The following ZMYM4 variants were observed in gnomAD, a reference collection of about 807,000 sequenced individuals.
The protein encoded by ZMYM4 is zinc finger MYM-type containing 4, also known as zinc finger MYM-type protein 4.
In ZMYM4, 31 loss-of-function variants were observed where a neutral mutation model predicts 183.2. That is an observed-to-expected ratio of 0.17 (90% CI 0.13 to 0.23). The LOEUF (loss-of-function observed/expected upper bound fraction) is 0.23. Ranked by LOEUF, ZMYM4 falls within the 10% of genes least tolerant of loss-of-function variation. The pLI, the probability that ZMYM4 is intolerant of heterozygous loss-of-function variation, is 1.00. For synonymous variants in ZMYM4, 592 were observed against 631.2 expected, an observed-to-expected ratio of 0.94 and a Z score of 0.93; for missense variants, 1,273 against 1,840.3, an observed-to-expected ratio of 0.69 and a Z score of 5.64.
At chr1:35,289,421 A>G (rs140856453) in intron 1 of ZMYM4, among the ~76,000 whole-genome samples, 40 of 152,318 alleles carry the variant, frequency 2.6e-4, no homozygotes, top group Non-Finnish European at 4.7e-4. Context: ...GAAGACCACT[A>G]ACCCCTAGGT....
At chr1:35,400,225 G>A (rs1416347804) in intron 23 of ZMYM4, 1 of 111,556 alleles carries the variant, frequency 9.0e-6, no homozygotes, top group African/African-American at 4.1e-5. Context: ...TTTTTGAGAC[G>A]GAGTTTCGCT....
chr1:35,350,160 T>C (rs1643547849), intron 2 of ZMYM4, among the ~76,000 whole-genome samples: 1 of 150,614 alleles, frequency 6.6e-6, no homozygotes, highest in Non-Finnish European at 1.5e-5. Flanking sequence ...AGACGAGGTC[T>C]TGCTGTGTTG....
At chr1:35,369,996 C>G (rs1248109514) in intron 5 of ZMYM4, 33 bp from the exon 6 acceptor site, 2 of 1,485,394 alleles carry the variant, frequency 1.3e-6, no homozygotes, top group African/African-American at 2.8e-5. Flanking sequence ...ATTCTTTTCT[C>G]TATGTATTTA....
At position 35,323,549 on chromosome 1, in the gene ZMYM4, G is replaced by A. The variant is rs187025651; in HGVS notation, c.40-1811G>A. Among the ~76,000 whole-genome samples, 1,273 of 150,644 alleles carry A rather than the reference G, an allele frequency of 8.5e-3. 16 individuals carry two copies. Among genetic ancestry groups the A allele is most frequent in the African/African-American group, 0.029 (1,208 of 41,016 alleles). ...TCGTTTTTTGTTTTTTGTTTTTTTG[G>A]TGTTTTTTTTTTGAGACAGAGTCTC... is the stretch of plus-strand genomic sequence containing the variant. On this transcript the variant is annotated intron_variant, in intron 1 of 29. Coordinates refer to ENST00000314607, the MANE Select transcript of ZMYM4 (RefSeq NM_005095.3).
chr1:35,290,528 T>G lies in ZMYM4; in HGVS notation c.39+21443T>G, dbSNP rs549243356. Among the ~76,000 whole-genome samples the G allele has an allele frequency of 3.3e-5, 5 of 152,294 alleles. No homozygotes were observed. The East Asian group carries it at 9.7e-4, about 29-fold the overall frequency. The stretch of plus-strand genomic sequence containing the variant: ...ATAGCTCACTGCAGCTTTGAACTCC[T>G]GAGCTCAAGGGATCCTCCTGCCTCT... On this transcript the variant is annotated intron_variant, in intron 1 of 29. Transcript: ENST00000314607.
At chr1:35,343,734 G>A (rs1165744485) in intron 2 of ZMYM4, among the ~76,000 whole-genome samples, 6 of 151,732 alleles carry the variant, frequency 4.0e-5, no homozygotes, top group Non-Finnish European at 5.9e-5. Flanking sequence ...GCGCAGTGAC[G>A]GGCACCTGTA....
At chr1:35,334,701 A>G (rs1054149400) in intron 2 of ZMYM4, among the ~76,000 whole-genome samples, 12 of 152,228 alleles carry the variant, frequency 7.9e-5, no homozygotes, top group Admixed American at 5.9e-4. Flanking sequence ...GAAGATTCAG[A>G]TATACATAAT....
chr1:35,389,779 A>ATGTGTGTGTG lies in ZMYM4; in HGVS notation c.2437-168_2437-167insGTGTGTGTGT, dbSNP rs879004452. Among the ~76,000 whole-genome samples the ATGTGTGTGTG allele has an allele frequency of 8.7e-6, 1 of 114,298 alleles. No individual in the cohort carries two copies. The highest frequency in any genetic ancestry group is 6.0e-5 in the African/African-American group (1 of 16,632). 75.0% of individuals were successfully genotyped at this position (114,298 alleles called of 152,430 possible). A position where few individuals can be genotyped will look rare whatever the true frequency, so the allele number is the denominator to read the frequency against. ...CAAAAAAAAAAAAAAATATATATATATATGTGTGTGTGTGTGTGTGTGTGT... is the reference window on the plus strand; with the variant it reads ...CAAAAAAAAAAAAAAATATATATATATGTGTGTGTGTATGTGTGTGTGTGTGTGTGTGTGT... On this transcript the variant is annotated intron_variant, in intron 14 of 29. Coordinates refer to ENST00000314607, the MANE Select transcript of ZMYM4 (RefSeq NM_005095.3). The surrounding 1 kb of genome is among the most constrained non-coding windows in gnomAD (Gnocchi z 4.0).
At chr1:35,328,392 C>T (rs748469677) in intron 2 of ZMYM4, among the ~76,000 whole-genome samples, 12 of 152,058 alleles carry the variant, frequency 7.9e-5, no homozygotes, top group Non-Finnish European at 1.5e-4. Flanking sequence ...AGTGATCCTC[C>T]CATCTCAGCA....
intron 16 of ZMYM4, 24 bp downstream of exon 16, chr1:35,392,376 T>C: frequency 6.2e-7 from 1 of 1,606,192 alleles, no homozygotes; most frequent in African/African-American, 1.3e-5. Context: ...GGAAAGCATT[T>C]ATCTAGCCTA....
intron 26 of ZMYM4, among the ~76,000 whole-genome samples, chr1:35,412,540 T>G (rs1639956026): frequency 6.6e-6 from 1 of 152,156 alleles, no homozygotes; most frequent in Admixed American, 6.5e-5. Context: ...TACTGATATA[T>G]TTCTGTAACT....
intron 2 of ZMYM4, among the ~76,000 whole-genome samples, chr1:35,352,260 C>CGT (rs1491343010): frequency 1.0e-4 from 6 of 59,958 alleles, no homozygotes; most frequent in Admixed American, 2.8e-4. Flanking sequence ...TTAGCGCGCA[C>CGT]GCGCGCGCGC....
chr1:35,339,379 C>T (rs1643109733), intron 2 of ZMYM4, among the ~76,000 whole-genome samples: 2 of 152,088 alleles, frequency 1.3e-5, no homozygotes, highest in Non-Finnish European at 2.9e-5. Flanking sequence ...GGATTATAGG[C>T]ACCTGCCACC....
chr1:35,274,391 G>T (rs1260773049), intron 1 of ZMYM4, among the ~76,000 whole-genome samples: 1 of 151,968 alleles, frequency 6.6e-6, no homozygotes, highest in South Asian at 2.1e-4. Flanking sequence ...GATGGCATGA[G>T]GCCAGGAGTT....
At chr1:35,343,347 T>A (rs1440754781) in intron 2 of ZMYM4, among the ~76,000 whole-genome samples, 1 of 152,204 alleles carries the variant, frequency 6.6e-6, no homozygotes, top group African/African-American at 2.4e-5. Context: ...CCATTTCAAG[T>A]TTCTGTATGT....
At chr1:35,315,262 T>C (rs916939420) in intron 1 of ZMYM4, among the ~76,000 whole-genome samples, 1 of 152,208 alleles carries the variant, frequency 6.6e-6, no homozygotes, top group Non-Finnish European at 1.5e-5. Flanking sequence ...AGAACATTTT[T>C]AGTAGCTGGC....
At chr1:35,305,567 C>G (rs529782826) in intron 1 of ZMYM4, among the ~76,000 whole-genome samples, 5 of 150,786 alleles carry the variant, frequency 3.3e-5, no homozygotes, top group Non-Finnish European at 1.5e-5. Context: ...TTTTTAGAGA[C>G]AGTGTCTTGC....
chr1:35,299,487 G>T (rs1003292007), intron 1 of ZMYM4, among the ~76,000 whole-genome samples: 1 of 152,170 alleles, frequency 6.6e-6, no homozygotes, highest in South Asian at 2.1e-4. Context: ...TTTCCCATTG[G>T]TTACTTGGTG....
intron 2 of ZMYM4, among the ~76,000 whole-genome samples, chr1:35,331,645 G>A (rs1642751118): frequency 6.6e-6 from 1 of 151,804 alleles, no homozygotes; most frequent in South Asian, 2.1e-4. Flanking sequence ...AAATTCACTG[G>A]GTGTGGTGGC....
Sources: allele counts gnomAD v4.1 joint callset (sites outside exome capture counted in the v4.1 genomes callset), GRCh38; gene constraint gnomAD v4.1.1; non-coding constraint Gnocchi (gnomAD v3.1); transcripts MANE v1.5; gene names NCBI Gene and HGNC (gene_info 2026-07-23, HGNC 2026-07-21).